UBA1: variants seen among roughly 807,000 people sequenced by gnomAD.
UBA1 encodes the protein ubiquitin-like modifier-activating enzyme 1.
A neutral mutation model predicts 84.7 loss-of-function variants in UBA1; 4 were observed. The observed-to-expected ratio is 0.05, with a 90% CI of 0.02 to 0.11. UBA1 has a LOEUF of 0.11. Among genes scored for constraint, UBA1 ranks in the 10% least tolerant of loss-of-function variants. UBA1 has a pLI of 1.00. For missense variants in UBA1, 513 were observed against 902.8 expected (o/e 0.57, Z 5.53); for synonymous variants, 364 against 362.6 (o/e 1.00, Z -0.04).
At chrX:47,208,324 C>CGT (rs71925003) in intron 16 of UBA1, among the ~76,000 whole-genome samples, 6,888 of 107,225 alleles carry the variant, frequency 0.064, 544 homozygotes, top group African/African-American at 0.22. Flanking sequence ...AGTGTGTGTA[C>CGT]GTGTGTGTGT....
chrX:47,205,845 C>A, intron 14 of UBA1, 103 bp from the exon 15 acceptor site: 2 of 976,973 alleles, frequency 2.0e-6, no homozygotes, highest in East Asian at 3.4e-5. Context: ...TGGAGAGAGA[C>A]CCTGTCTCAA....
chrX:47,201,102 A>G, intron 6 of UBA1, 102 bp downstream of exon 6: 2 of 882,289 alleles, frequency 2.3e-6, no homozygotes, highest in Non-Finnish European at 3.3e-6. Flanking sequence ...CTTCTCAGCT[A>G]CCCAGGTTTT....
intron 11 of UBA1, 43 bp from the exon 12 acceptor site, chrX:47,202,900 C>T: frequency 8.3e-7 from 1 of 1,200,905 alleles, no homozygotes; most frequent in East Asian, 3.0e-5. Flanking sequence ...TGTCAGGCCC[C>T]TGTTAACCAC....
At chrX:47,205,806 A>T in intron 14 of UBA1, 142 bp from the exon 15 acceptor site, 1 of 711,262 alleles carries the variant, frequency 1.4e-6, no homozygotes, top group Non-Finnish European at 2.1e-6. Context: ...GTGAGCCGTG[A>T]TCATGCCACT....
chrX:47,197,563 C>T lies in UBA1; in HGVS notation c.1-1240C>T, dbSNP rs897824030. ...GGGTGAGGGGAAGTGACGCTGGGTC[C>T]TCCCATCTCCAGCATGTGGACCCAG... On this transcript the variant is annotated intron_variant, in intron 1 of 25. Coordinates refer to ENST00000335972, the MANE Select transcript of UBA1 (RefSeq NM_003334.4). 2.7e-5 allele frequency: 20 copies of T among 751,241 alleles called. No individual in the cohort carries two copies. The African/African-American group carries it at 3.9e-4, about 14-fold the overall frequency. 61.9% of individuals were successfully genotyped at this position (751,241 alleles called of 1,213,427 possible). A position where few individuals can be genotyped will look rare whatever the true frequency, so the allele number is the denominator to read the frequency against.
At chrX:47,197,298 T>C in intron 1 of UBA1, 1 of 754,910 alleles carries the variant, frequency 1.3e-6, no homozygotes, top group Non-Finnish European at 1.6e-6. Context: ...TTCCCATTTG[T>C]GATTTGGGCA....
At chrX:47,200,153 G>A (rs1556787266) in intron 5 of UBA1, among the ~76,000 whole-genome samples, 2 of 111,992 alleles carry the variant, frequency 1.8e-5, no homozygotes, top group East Asian at 2.8e-4. Context: ...GGCACAGACT[G>A]TAGAGCCATA....
chrX:47,202,569 T>G (rs1936458520), intron 10 of UBA1, 65 bp downstream of exon 10: 5 of 1,206,512 alleles, frequency 4.1e-6, no homozygotes, highest in Non-Finnish European at 5.6e-6. Context: ...CATGCCTCTC[T>G]GCGTGTCCAC....
chrX:47,204,476 T>C (rs953781606), intron 14 of UBA1, among the ~76,000 whole-genome samples: 6 of 111,636 alleles, frequency 5.4e-5, no homozygotes, highest in Non-Finnish European at 1.1e-4. Context: ...GGAAGCTTGT[T>C]AGACTCAGCA....
rs782436604 is a variant in UBA1, at chrX:47,199,494, G to A, written c.360G>A (p.Glu120=). The change falls in exon 5 of 26, where the codon GAG becomes GAA. Residue 120 remains glutamate (E), a synonymous_variant. Coordinates refer to ENST00000335972, the MANE Select transcript of UBA1 (RefSeq NM_003334.4). ...ADLSSQFYLR[E]EDIGKNRAEV... is the part of the protein sequence containing the mutation. ...CACCCTTACAGTTCTACCTGCGGGA[G>A]GAGGACATCGGTAAAAACCGGGCCG... The A allele has an allele frequency of 2.1e-5, 26 of 1,209,995 alleles. No individual in the cohort carries two copies. The highest frequency in any genetic ancestry group is 2.6e-5 in the Non-Finnish European group (23 of 895,261).
At chrX:47,197,939 G>A in intron 1 of UBA1, 1 of 822,664 alleles carries the variant, frequency 1.2e-6, no homozygotes, top group East Asian at 9.9e-5. Flanking sequence ...TTAGAGAAGT[G>A]CTTACTATGG....
intron 16 of UBA1, among the ~76,000 whole-genome samples, chrX:47,207,779 T>C (rs899042578): frequency 2.7e-5 from 3 of 112,102 alleles, no homozygotes; most frequent in African/African-American, 9.7e-5. Context: ...TGCTAGGTCA[T>C]GTGTAACCTT....
At chrX:47,198,064 T>C (rs184888481) in intron 1 of UBA1, 2 of 898,598 alleles carry the variant, frequency 2.2e-6, no homozygotes, top group Non-Finnish European at 2.8e-6. Flanking sequence ...TTTCTATCTT[T>C]TTGCAACCTC....
chrX:47,203,958 G>C (rs1260927842), intron 14 of UBA1, among the ~76,000 whole-genome samples: 6 of 108,421 alleles, frequency 5.5e-5, no homozygotes, highest in Non-Finnish European at 9.6e-5. Context: ...ATGTTGGTCA[G>C]GCTGGTCTCG....
intron 5 of UBA1, among the ~76,000 whole-genome samples, 174 bp from the exon 6 acceptor site, chrX:47,200,720 C>T (rs186767219): frequency 8.9e-6 from 1 of 112,174 alleles, no homozygotes; most frequent in African/African-American, 3.2e-5. Context: ...TCCAGGGGTT[C>T]ATTTTCGACC....
At chrX:47,198,726 C>T (rs781796729) in intron 1 of UBA1, 77 bp from the exon 2 acceptor site, 3 of 982,520 alleles carry the variant, frequency 3.1e-6, no homozygotes, top group Admixed American at 2.2e-5. Context: ...TCTTCCCTTC[C>T]CCCACAGTTG....
chrX:47,196,846 AT>A (rs1261999287), intron 1 of UBA1, among the ~76,000 whole-genome samples: 1 of 111,923 alleles, frequency 8.9e-6, no homozygotes, highest in Non-Finnish European at 1.9e-5. Context: ...AGGCAAGGAG[AT>A]AACTAAGTAA....
intron 1 of UBA1, among the ~76,000 whole-genome samples, chrX:47,195,387 T>A (rs1936168256): frequency 1.8e-5 from 2 of 111,245 alleles, no homozygotes; most frequent in South Asian, 7.6e-4. Flanking sequence ...GTAGCTGGGA[T>A]TACAGGCATG....
At chrX:47,209,838 A>G (rs1569215614) in intron 17 of UBA1, 90 bp from the exon 18 acceptor site, 6 of 1,115,937 alleles carry the variant, frequency 5.4e-6, no homozygotes, top group East Asian at 3.0e-5. Flanking sequence ...GGTCGGGACT[A>G]GTTTTCCATG....
Sources: gnomAD v4.1 joint callset for allele counts (sites outside exome capture counted in the v4.1 genomes callset) on GRCh38, gnomAD v4.1.1 for gene constraint, MANE v1.5 for transcripts, NCBI Gene and HGNC (gene_info 2026-07-23, HGNC 2026-07-21) for gene names.